Variants in PTPRD observed in about 807,000 individuals in gnomAD.
PTPRD encodes receptor-type tyrosine-protein phosphatase delta.
A neutral mutation model predicts 214.5 loss-of-function variants in PTPRD; 34 were observed. That is an observed-to-expected ratio of 0.16 (90% CI 0.12 to 0.21). The LOEUF is 0.21. PTPRD is among the 10% of genes least tolerant of loss of function. The pLI is 1.00. For synonymous variants in PTPRD, 1,128 were observed against 845.7 expected, an observed-to-expected ratio of 1.33 and a Z score of -5.79; for missense variants, 2,545 against 2,398.7, an observed-to-expected ratio of 1.06 and a Z score of -1.27.
At chr9:8,393,661 G>A (rs541464729) in intron 36 of PTPRD, among the ~76,000 whole-genome samples, 220 of 152,132 alleles carry the variant, frequency 1.4e-3, no homozygotes, top group Non-Finnish European at 2.7e-3. Context: ...AACTGAGTGG[G>A]TTTTCATGAT....
At chr9:8,374,224 C>G (rs1419544244) in intron 39 of PTPRD, among the ~76,000 whole-genome samples, 1 of 151,178 alleles carries the variant, frequency 6.6e-6, no homozygotes, top group African/African-American at 2.4e-5. Flanking sequence ...GTTTCTCTAT[C>G]CTTTGGCCAA....
At chr9:8,836,811 T>G (rs1272970515) in intron 11 of PTPRD, among the ~76,000 whole-genome samples, 19 of 151,762 alleles carry the variant, frequency 1.3e-4, no homozygotes, top group Admixed American at 1.2e-3. Flanking sequence ...TTGGCCAGGA[T>G]GGTCTTGATC....
chr9:10,296,245 AC>A (rs1428474251), intron 3 of PTPRD, among the ~76,000 whole-genome samples: 1 of 152,082 alleles, frequency 6.6e-6, no homozygotes, highest in Non-Finnish European at 1.5e-5. Context: ...TAATATTGAA[AC>A]CAACCCAATA....
At chr9:10,361,056 G>T (rs577416329) in intron 2 of PTPRD, among the ~76,000 whole-genome samples, 78 of 152,222 alleles carry the variant, frequency 5.1e-4, no homozygotes, top group Non-Finnish European at 6.3e-4. Flanking sequence ...GAGCCGAGAT[G>T]GAGCCACTGC....
chr9:9,907,531 ATTC>A (rs537948797), intron 5 of PTPRD, among the ~76,000 whole-genome samples: 114 of 151,970 alleles, frequency 7.5e-4, no homozygotes, highest in African/African-American at 2.7e-3. Flanking sequence ...ACTGATGTCT[ATTC>A]TTCTTCTTCT....
At chr9:9,711,951 C>G (rs1168727623) in intron 7 of PTPRD, among the ~76,000 whole-genome samples, 1 of 152,144 alleles carries the variant, frequency 6.6e-6, no homozygotes, top group Non-Finnish European at 1.5e-5. Flanking sequence ...ACAGCATCTC[C>G]CTGGGCACAA....
rs535548433 is a variant in PTPRD at position 9,828,928 on chromosome 9, A to T, written c.-367-62077T>A. Among the ~76,000 whole-genome samples the T allele has an allele frequency of 9.9e-5, 15 of 152,042 alleles. 1 individual carries two copies. In the South Asian group the frequency reaches 3.1e-3, roughly 31 times the overall value. On this transcript the variant is annotated intron_variant, in intron 5 of 45. Transcript: ENST00000381196. Reference sequence around the variant, plus strand: ...GTTTCAATTGAAATTTTTGCTGTAAATGTAGACTTACATAAATTTAAAATT... The same window carrying T: ...GTTTCAATTGAAATTTTTGCTGTAATTGTAGACTTACATAAATTTAAAATT...
chr9:8,545,393 C>A (rs1052672690), intron 14 of PTPRD, among the ~76,000 whole-genome samples: 2 of 152,172 alleles, frequency 1.3e-5, no homozygotes, highest in African/African-American at 4.8e-5. Flanking sequence ...ATGAGACAAG[C>A]TGTTTTCTGG....
At chr9:8,804,573 G>A (rs746722794) in intron 11 of PTPRD, among the ~76,000 whole-genome samples, 3 of 152,046 alleles carry the variant, frequency 2.0e-5, no homozygotes, top group Non-Finnish European at 4.4e-5. Flanking sequence ...CTGCAGTCCC[G>A]TGTGACAGAG....
chr9:8,851,604 C>T (rs796993411), intron 11 of PTPRD, among the ~76,000 whole-genome samples: 12 of 152,268 alleles, frequency 7.9e-5, no homozygotes, highest in African/African-American at 2.2e-4. Flanking sequence ...GACAACAGAA[C>T]TCTATCATAG....
At chr9:8,602,435 T>G (rs2094925398) in intron 14 of PTPRD, among the ~76,000 whole-genome samples, 1 of 152,172 alleles carries the variant, frequency 6.6e-6, no homozygotes, top group Admixed American at 6.5e-5. Flanking sequence ...TGATATAAAC[T>G]TACTATGAGC....
intron 5 of PTPRD, among the ~76,000 whole-genome samples, chr9:9,792,446 C>G (rs1290670135): frequency 6.6e-6 from 1 of 152,046 alleles, no homozygotes; most frequent in Non-Finnish European, 1.5e-5. Flanking sequence ...TTTTTTTGTA[C>G]ATTAGTGTAA....
rs1004410495 is a variant in PTPRD at position 9,801,339 on chromosome 9, A to T, written c.-367-34488T>A. Among the ~76,000 whole-genome samples the T allele has an allele frequency of 2.2e-4, 5 of 23,056 alleles. No individual in the cohort carries two copies. In the East Asian group the frequency reaches 0.046, roughly 213 times the overall value. 15.1% of individuals were successfully genotyped at this position (23,056 alleles called of 152,430 possible). ...GGTATAAGCAAGCTAAAGAGGATTAAAAAAAAAAAAGTAACTTTCAGTATA... is the reference window on the plus strand; with the variant it reads ...GGTATAAGCAAGCTAAAGAGGATTATAAAAAAAAAAGTAACTTTCAGTATA... On this transcript the variant is annotated intron_variant, in intron 5 of 45. Coordinates refer to ENST00000381196, the MANE Select transcript of PTPRD (RefSeq NM_002839.4).
At chr9:10,294,822 C>T (rs2095628881) in intron 3 of PTPRD, among the ~76,000 whole-genome samples, 1 of 151,866 alleles carries the variant, frequency 6.6e-6, no homozygotes, top group Admixed American at 6.6e-5. Flanking sequence ...ATATCTGTAA[C>T]CTAAATGACA....
At chr9:9,157,407 CAAAT>C (rs2099882156) in intron 10 of PTPRD, among the ~76,000 whole-genome samples, 1 of 151,720 alleles carries the variant, frequency 6.6e-6, no homozygotes, top group Non-Finnish European at 1.5e-5. Context: ...AAAGAATACT[CAAAT>C]AAATAAAATA....
intron 3 of PTPRD, among the ~76,000 whole-genome samples, chr9:10,175,180 G>C (rs1428964519): frequency 2.0e-5 from 3 of 152,026 alleles, no homozygotes; most frequent in African/African-American, 7.2e-5. Context: ...GCCTGCAATA[G>C]TACTGCTACT....
chr9:9,331,726 C>T (rs1413985219), intron 9 of PTPRD, among the ~76,000 whole-genome samples: 1 of 152,058 alleles, frequency 6.6e-6, no homozygotes, highest in Non-Finnish European at 1.5e-5. Context: ...TGCCTCCCAC[C>T]TCTTTCACAC....
chr9:10,199,318 G>A lies in PTPRD; in HGVS notation c.-545+141645C>T, dbSNP rs1308612373. On this transcript the variant is annotated intron_variant, in intron 3 of 45. Coordinates refer to ENST00000381196, the MANE Select transcript of PTPRD (RefSeq NM_002839.4). ...AATTCTCACTGAGAAATCAGATTTT[G>A]ACTATTCGTACTCCTACAAATGACC... is the stretch of plus-strand genomic sequence containing the variant. Among the ~76,000 whole-genome samples the A allele has an allele frequency of 3.8e-4, 58 of 151,988 alleles. 1 individual carries two copies. Among genetic ancestry groups the A allele is most frequent in the Admixed American group, 3.8e-3 (58 of 15,236 alleles).
chr9:8,972,671 G>T (rs2099245656), intron 11 of PTPRD, among the ~76,000 whole-genome samples: 1 of 151,844 alleles, frequency 6.6e-6, no homozygotes, highest in Admixed American at 6.6e-5. Context: ...CGGATGCAAA[G>T]GATTTCCTTT....
Sources: gnomAD v4.1 joint callset for allele counts (sites outside exome capture counted in the v4.1 genomes callset) on GRCh38, gnomAD v4.1.1 for gene constraint, MANE v1.5 for transcripts, NCBI Gene and HGNC (gene_info 2026-07-23, HGNC 2026-07-21) for gene names.